NKAIN2: variants seen among roughly 807,000 people sequenced by gnomAD.
NKAIN2 encodes sodium/potassium-transporting ATPase subunit beta-1-interacting protein 2.
Under a neutral mutation model 32.6 loss-of-function variants are expected in NKAIN2, and 14 were observed. The observed-to-expected ratio is 0.43, with a 90% CI of 0.28 to 0.67. NKAIN2 has a LOEUF of 0.67. Ranked by LOEUF, NKAIN2 falls within the 30% of genes least tolerant of loss-of-function variation. The pLI is 0.17. For synonymous variants in NKAIN2, 80 were observed against 87.2 expected (o/e 0.92, Z 0.46); for missense variants, 198 against 258.3 (o/e 0.77, Z 1.60).
chr6:124,176,736 T>C (rs2114524127), intron 1 of NKAIN2, among the ~76,000 whole-genome samples: 1 of 152,284 alleles, frequency 6.6e-6, no homozygotes, highest in East Asian at 1.9e-4. Context: ...CTAGATATGA[T>C]AGAATAAAAA....
intron 4 of NKAIN2, among the ~76,000 whole-genome samples, chr6:124,777,797 A>G (rs1035613459): frequency 1.3e-5 from 2 of 152,142 alleles, no homozygotes; most frequent in Non-Finnish European, 2.9e-5. Flanking sequence ...GGTATAAAAA[A>G]TTTCTCTTAC....
intron 3 of NKAIN2, among the ~76,000 whole-genome samples, chr6:124,366,481 T>G (rs1339088471): frequency 1.3e-5 from 2 of 152,126 alleles, no homozygotes; most frequent in Non-Finnish European, 2.9e-5. Flanking sequence ...TTCACATGAT[T>G]TCACTGAAAA....
intron 3 of NKAIN2, among the ~76,000 whole-genome samples, chr6:124,368,706 C>T (rs1234856357): frequency 6.6e-6 from 1 of 152,104 alleles, no homozygotes; most frequent in East Asian, 1.9e-4. Context: ...ACAAGATGAT[C>T]TGTTACTCAT....
At chr6:124,164,140 A>T (rs953330492) in intron 1 of NKAIN2, among the ~76,000 whole-genome samples, 1 of 152,138 alleles carries the variant, frequency 6.6e-6, no homozygotes, top group Non-Finnish European at 1.5e-5. Context: ...AATTGTAAAC[A>T]AGATTTTAGC....
At chr6:124,048,483 G>T (rs1782249780) in intron 1 of NKAIN2, among the ~76,000 whole-genome samples, 1 of 152,014 alleles carries the variant, frequency 6.6e-6, no homozygotes, top group Non-Finnish European at 1.5e-5. Flanking sequence ...GATATTAAAA[G>T]AATAAGAAAG....
At chr6:124,525,875 T>C (rs563806214) in intron 3 of NKAIN2, among the ~76,000 whole-genome samples, 26 of 152,122 alleles carry the variant, frequency 1.7e-4, no homozygotes, top group Admixed American at 3.9e-4. Flanking sequence ...ATTGAGAAGA[T>C]AAAATAAGCA....
chr6:124,736,960 T>C (rs768417254), intron 4 of NKAIN2, among the ~76,000 whole-genome samples: 23 of 152,000 alleles, frequency 1.5e-4, no homozygotes, highest in Non-Finnish European at 2.9e-4. Flanking sequence ...TAATAATTTA[T>C]ATGAAGGAGT....
intron 1 of NKAIN2, among the ~76,000 whole-genome samples, chr6:123,959,389 A>G (rs1777739682): frequency 6.6e-6 from 1 of 152,152 alleles, no homozygotes; most frequent in Admixed American, 6.5e-5. Flanking sequence ...CTCTGCCAGG[A>G]GTCCTTCAGG....
At chr6:124,440,066 C>CAAG (rs1562186195) in intron 3 of NKAIN2, among the ~76,000 whole-genome samples, 1 of 152,056 alleles carries the variant, frequency 6.6e-6, no homozygotes, top group Non-Finnish European at 1.5e-5. Context: ...TTGAATTGGA[C>CAAG]AAGAAGTCTA....
chr6:124,109,488 A>G (rs1029267910), intron 1 of NKAIN2, among the ~76,000 whole-genome samples: 15 of 152,056 alleles, frequency 9.9e-5, no homozygotes, highest in Non-Finnish European at 1.8e-4. Flanking sequence ...ATGTGTCTAT[A>G]GACTTTAGTG....
rs9654632 is a variant in NKAIN2 at position 124,043,910 on chromosome 6, A to G, written c.55-239095A>G. On this transcript the variant is annotated intron_variant, in intron 1 of 6. Coordinates refer to ENST00000368417, the MANE Select transcript of NKAIN2 (RefSeq NM_001040214.3). ...TATTAAACACTGACTTCCCTGGTGA[A>G]CGGAAAGTAAGACAAACCATAGTGT... is the stretch of plus-strand genomic sequence containing the variant. Among the ~76,000 whole-genome samples the G allele has an allele frequency of 2.8e-3, 428 of 152,196 alleles. 3 individuals carry two copies. The highest frequency in any genetic ancestry group is 9.5e-3 in the African/African-American group (395 of 41,560).
intron 3 of NKAIN2, among the ~76,000 whole-genome samples, chr6:124,506,462 C>T (rs938589534): frequency 1.3e-5 from 2 of 152,194 alleles, no homozygotes; most frequent in South Asian, 2.1e-4. Flanking sequence ...GGCTCATCCC[C>T]GAACGGTCAG....
chr6:124,501,958 T>A (rs1199488031), intron 3 of NKAIN2, among the ~76,000 whole-genome samples: 1 of 151,832 alleles, frequency 6.6e-6, no homozygotes, highest in Non-Finnish European at 1.5e-5. Context: ...TTACAAAAAA[T>A]AGCTGGGCAT....
chr6:124,156,415 T>C (rs1362377343), intron 1 of NKAIN2, among the ~76,000 whole-genome samples: 1 of 152,066 alleles, frequency 6.6e-6, no homozygotes, highest in East Asian at 1.9e-4. Context: ...AGGGCTACTG[T>C]AGGAAGGGTG....
intron 4 of NKAIN2, among the ~76,000 whole-genome samples, chr6:124,697,909 AG>A (rs1193461321): frequency 1.4e-4 from 22 of 152,160 alleles, no homozygotes; most frequent in African/African-American, 5.3e-4. Flanking sequence ...TGTCTAAATG[AG>A]TCAGCAAGGA....
At chr6:123,929,566 G>A (rs563125836) in intron 1 of NKAIN2, among the ~76,000 whole-genome samples, 1 of 152,198 alleles carries the variant, frequency 6.6e-6, no homozygotes, top group African/African-American at 2.4e-5. Flanking sequence ...AATGTTCTGA[G>A]ACACCGATAA....
At chr6:124,182,104 G>T (rs181924122) in intron 1 of NKAIN2, among the ~76,000 whole-genome samples, 68 of 152,270 alleles carry the variant, frequency 4.5e-4, no homozygotes, top group African/African-American at 1.5e-3. Flanking sequence ...AGGAGCAAAG[G>T]CATGTCTTAC....
chr6:124,168,134 A>G (rs556116251), intron 1 of NKAIN2, among the ~76,000 whole-genome samples: 1 of 152,254 alleles, frequency 6.6e-6, no homozygotes, highest in South Asian at 2.1e-4. Context: ...CTCTTTGCAA[A>G]TTGGACATTT....
chr6:124,058,688 G>C (rs1420791072), intron 1 of NKAIN2, among the ~76,000 whole-genome samples: 23 of 152,036 alleles, frequency 1.5e-4, no homozygotes, highest in Admixed American at 1.5e-3. Context: ...TATGACCCTT[G>C]AGCTAAGAAT....
Sources: gnomAD v4.1 joint callset for allele counts (sites outside exome capture counted in the v4.1 genomes callset) on GRCh38, gnomAD v4.1.1 for gene constraint, MANE v1.5 for transcripts, NCBI Gene and HGNC (gene_info 2026-07-23, HGNC 2026-07-21) for gene names.